The following SRD5A1 variants were observed in gnomAD, a reference collection of about 807,000 sequenced individuals.
SRD5A1 encodes 3-oxo-5-alpha-steroid 4-dehydrogenase 1.
A neutral mutation model predicts 28.2 loss-of-function variants in SRD5A1; 22 were observed. The observed-to-expected ratio is 0.78, with a 90% CI of 0.56 to 1.12. SRD5A1 has a LOEUF of 1.12. Among genes scored for constraint, SRD5A1 ranks in the 50% most tolerant of loss-of-function variants. SRD5A1 has a pLI of 0.00. For missense variants in SRD5A1, 300 were observed against 346.7 expected, an observed-to-expected ratio of 0.87 and a Z score of 1.07; for synonymous variants, 151 against 135.0, an observed-to-expected ratio of 1.12 and a Z score of -0.82.
chr5:6,633,915 G>C (rs370054551), intron 1 of SRD5A1, 46 bp downstream of exon 1: 183 of 1,585,324 alleles, frequency 1.2e-4, no homozygotes, highest in Non-Finnish European at 1.5e-4. Flanking sequence ...CCGGCCCGGC[G>C]TCCTCTCCGA....
Position 6,673,296 on chromosome 5 carries a change from A to C in SRD5A1, c.*5028A>C, listed in dbSNP as rs1177815962. Reference sequence around the variant, plus strand: ...AGAAATAGCTCCATCAGGCCCATGAAGGAAAGGGAAACAAAACTGAGTGCC... The same window carrying C: ...AGAAATAGCTCCATCAGGCCCATGACGGAAAGGGAAACAAAACTGAGTGCC... On this transcript the variant is annotated 3_prime_UTR_variant, in exon 5 of 5. Transcript: ENST00000274192. 1 of 152,240 alleles carries C rather than the reference A, an allele frequency of 6.6e-6. No individual in the cohort carries two copies. The highest frequency in any genetic ancestry group is 1.9e-4 in the East Asian group (1 of 5,194). 9.4% of individuals were successfully genotyped at this position (152,240 alleles called of 1,614,324 possible). A position where few individuals can be genotyped will look rare whatever the true frequency, so the allele number is the denominator to read the frequency against.
chr5:6,633,699 C>T lies in SRD5A1; in HGVS notation c.123C>T (p.His41=), dbSNP rs1738061957. The part of the protein sequence containing the change: ...NRQTNSVYGR[H]ALPSHRLRVP... ...AGACGAACTCAGTGTACGGCCGCCACGCGCTGCCCAGCCACAGGCTCCGAG... is the reference window on the plus strand; with the variant it reads ...AGACGAACTCAGTGTACGGCCGCCATGCGCTGCCCAGCCACAGGCTCCGAG... The change falls in exon 1 of 5, where the codon CAC becomes CAT. Residue 41 remains histidine, a synonymous_variant. Transcript: ENST00000274192. 2 of 1,589,254 alleles carry T rather than the reference C, an allele frequency of 1.3e-6. No homozygotes were observed. The highest frequency in any genetic ancestry group is 1.7e-5 in the Admixed American group (1 of 58,810).
At chr5:6,661,480 T>A (rs1738999354) in intron 3 of SRD5A1, among the ~76,000 whole-genome samples, 1 of 151,000 alleles carries the variant, frequency 6.6e-6, no homozygotes, top group South Asian at 2.1e-4. Context: ...TACCCTATGC[T>A]GCAGTATTTG....
intron 1 of SRD5A1, among the ~76,000 whole-genome samples, chr5:6,651,321 A>G (rs1738666443): frequency 6.6e-6 from 1 of 152,196 alleles, no homozygotes; most frequent in Non-Finnish European, 1.5e-5. Context: ...GAGTTTGTAC[A>G]CTGTGGTAAA....
rs1579423201 is a variant in SRD5A1, at chr5:6,674,050, CAT to C, written c.*5784_*5785del. 6.6e-6 allele frequency: 1 copy of C among 151,892 alleles called. No homozygotes were observed. The highest frequency in any genetic ancestry group is 1.5e-5 in the Non-Finnish European group (1 of 67,982). The allele number at this position is 151,892 out of a possible 1,614,324, so 9.4% of individuals were successfully genotyped here. On this transcript the variant is annotated 3_prime_UTR_variant, in exon 5 of 5. Coordinates refer to ENST00000274192, the MANE Select transcript of SRD5A1 (RefSeq NM_001047.4). ...AGAATATTATGCATTTTTCAAAACA[CAT>C]AGAATATACAACATGAAGAATGAAT...
intron 1 of SRD5A1, 25 bp downstream of exon 1, chr5:6,633,894 C>T: frequency 6.3e-7 from 1 of 1,593,642 alleles, no homozygotes; most frequent in Non-Finnish European, 8.5e-7. Flanking sequence ...CCCCGGCCCC[C>T]TACCCTACTC....
chr5:6,660,428 G>C (rs1293712581), intron 3 of SRD5A1, among the ~76,000 whole-genome samples: 1 of 152,218 alleles, frequency 6.6e-6, no homozygotes, highest in African/African-American at 2.4e-5. Flanking sequence ...GCATCTGCAG[G>C]GTATGGTACA....
chr5:6,639,969 C>T (rs1438318332), intron 1 of SRD5A1, among the ~76,000 whole-genome samples: 1 of 152,206 alleles, frequency 6.6e-6, no homozygotes, highest in Non-Finnish European at 1.5e-5. Flanking sequence ...TACACACATA[C>T]ACATACAACA....
intron 1 of SRD5A1, chr5:6,645,074 A>G (rs768064435): frequency 2.1e-4 from 94 of 446,516 alleles, no homozygotes; most frequent in Middle Eastern, 3.3e-4. Context: ...CCTGGCCTGA[A>G]TGAGATGAGA....
chr5:6,657,402 A>C (rs1456221172), intron 3 of SRD5A1, among the ~76,000 whole-genome samples: 1 of 152,222 alleles, frequency 6.6e-6, no homozygotes, highest in Non-Finnish European at 1.5e-5. Context: ...GGTCATCCCA[A>C]GGAGCCGCTT....
intron 1 of SRD5A1, among the ~76,000 whole-genome samples, chr5:6,646,013 G>T (rs890868697): frequency 6.6e-6 from 1 of 151,638 alleles, no homozygotes; most frequent in Admixed American, 6.6e-5. Flanking sequence ...CCCCACAACA[G>T]GCCCCAGTGT....
At position 6,651,919 on chromosome 5, in the gene SRD5A1, G is replaced by T. The variant is rs1290339007; in HGVS notation, c.371G>T (p.Cys124Phe). The T allele has an allele frequency of 3.0e-5, 49 of 1,613,954 alleles. No homozygotes were observed. Among genetic ancestry groups the T allele is most frequent in the Non-Finnish European group, 4.2e-5 (49 of 1,179,958 alleles). The change falls in exon 2 of 5, where the codon TGT becomes TTT. Residue 124 changes from cysteine (C) to phenylalanine (F), a missense_variant. Cys to Phe is a radical substitution (Grantham distance 205). Coordinates refer to ENST00000274192, the MANE Select transcript of SRD5A1 (RefSeq NM_001047.4). Reference sequence around the variant, plus strand: ...GCGTGTACAATGGCGATTATGTTCTGTACCTGTAACGGCTATTTGCAAAGC... The same window carrying T: ...GCGTGTACAATGGCGATTATGTTCTTTACCTGTAACGGCTATTTGCAAAGC... Reference protein sequence around the residue: ...LLACTMAIMFCTCNGYLQSRY... With the variant: ...LLACTMAIMFFTCNGYLQSRY...
At chr5:6,639,855 T>C (rs1738309113) in intron 1 of SRD5A1, among the ~76,000 whole-genome samples, 2 of 152,228 alleles carry the variant, frequency 1.3e-5, no homozygotes, top group South Asian at 4.1e-4. Flanking sequence ...GAAAGAAAAG[T>C]TGCCTATAAT....
intron 1 of SRD5A1, among the ~76,000 whole-genome samples, chr5:6,642,490 C>A (rs1257149881): frequency 6.6e-6 from 1 of 152,184 alleles, no homozygotes; most frequent in Admixed American, 6.5e-5. Flanking sequence ...TGTATTTAAA[C>A]TTAGAATTTA....
At position 6,671,729 on chromosome 5, in the gene SRD5A1, T is replaced by C. The variant is rs1044036605; in HGVS notation, c.*3461T>C. 6.6e-6 allele frequency: 1 copy of C among 152,202 alleles called. No individual in the cohort carries two copies. The highest frequency in any genetic ancestry group is 1.5e-5 in the Non-Finnish European group (1 of 68,118). The allele number at this position is 152,202 out of a possible 1,614,324, so 9.4% of individuals were successfully genotyped here. On this transcript the variant is annotated 3_prime_UTR_variant, in exon 5 of 5. Transcript: ENST00000274192. ...AAAAGACAACATATATGGTATAGTA[T>C]ATACTACTCAGGAGATGGGTGCACC... is the stretch of plus-strand genomic sequence containing the variant.
At chr5:6,662,285 C>T (rs1033273484) in intron 3 of SRD5A1, among the ~76,000 whole-genome samples, 1 of 152,234 alleles carries the variant, frequency 6.6e-6, no homozygotes, top group African/African-American at 2.4e-5. Flanking sequence ...CCTCGCTACT[C>T]CTCCCCCTCC....
intron 1 of SRD5A1, among the ~76,000 whole-genome samples, chr5:6,639,949 G>A (rs1738312218): frequency 6.6e-6 from 1 of 152,086 alleles, no homozygotes; most frequent in African/African-American, 2.4e-5. Flanking sequence ...TTTTTTCTAA[G>A]CAGTAGAGAT....
At chr5:6,650,889 C>T (rs544242581) in intron 1 of SRD5A1, among the ~76,000 whole-genome samples, 20 of 145,622 alleles carry the variant, frequency 1.4e-4, no homozygotes, top group African/African-American at 4.3e-4. Flanking sequence ...TGAGAATATG[C>T]GGTGTTTGGT....
At chr5:6,635,543 T>C (rs952185419) in intron 1 of SRD5A1, among the ~76,000 whole-genome samples, 19 of 152,224 alleles carry the variant, frequency 1.2e-4, no homozygotes, top group African/African-American at 4.1e-4. Flanking sequence ...AGAATGGGCA[T>C]GGTGATGGAA....
Sources: allele counts gnomAD v4.1 joint callset (sites outside exome capture counted in the v4.1 genomes callset), GRCh38; gene constraint gnomAD v4.1.1; transcripts MANE v1.5; gene names NCBI Gene and HGNC (gene_info 2026-07-23, HGNC 2026-07-21).